EPHA3: variants seen among roughly 807,000 people sequenced by gnomAD.
EPHA3 encodes ephrin type-A receptor 3.
A neutral mutation model predicts 107.1 loss-of-function variants in EPHA3; 42 were observed. That is an observed-to-expected ratio of 0.39 (90% CI 0.31 to 0.51). The LOEUF (loss-of-function observed/expected upper bound fraction) is 0.51. EPHA3 is among the 20% of genes least tolerant of loss of function. EPHA3 has a pLI of 0.78. For missense variants in EPHA3, 1,183 were observed against 1,211.2 expected, an observed-to-expected ratio of 0.98 and a Z score of 0.35; for synonymous variants, 461 against 424.8, an observed-to-expected ratio of 1.09 and a Z score of -1.05.
intron 3 of EPHA3, among the ~76,000 whole-genome samples, chr3:89,299,695 T>C (rs1298808740): frequency 6.6e-6 from 1 of 152,000 alleles, no homozygotes. Context: ...GATTTGAATT[T>C]CAATATATCC....
chr3:89,187,549 T>C (rs1218511500), intron 2 of EPHA3, among the ~76,000 whole-genome samples: 1 of 151,782 alleles, frequency 6.6e-6, no homozygotes, highest in African/African-American at 2.4e-5. Context: ...CTGTTGCAAA[T>C]ATAAAAAATA....
At chr3:89,174,455 T>C (rs555498948) in intron 2 of EPHA3, among the ~76,000 whole-genome samples, 54 of 152,022 alleles carry the variant, frequency 3.6e-4, no homozygotes, top group Non-Finnish European at 3.7e-4. Flanking sequence ...TATCTGTTAG[T>C]AGATTGGGTC....
At chr3:89,353,791 G>T (rs1167552617) in intron 5 of EPHA3, among the ~76,000 whole-genome samples, 1 of 151,328 alleles carries the variant, frequency 6.6e-6, no homozygotes, top group African/African-American at 2.4e-5. Flanking sequence ...ACCCTTATAT[G>T]AGCTTAGAGG....
intron 2 of EPHA3, among the ~76,000 whole-genome samples, chr3:89,133,952 G>A (rs1441394694): frequency 6.6e-6 from 1 of 151,728 alleles, no homozygotes; most frequent in Non-Finnish European, 1.5e-5. Context: ...TCCACTTTTC[G>A]TCGCACGTTA....
chr3:89,447,806 C>G (rs1023897795), intron 13 of EPHA3, among the ~76,000 whole-genome samples: 38 of 152,240 alleles, frequency 2.5e-4, no homozygotes, highest in African/African-American at 8.9e-4. Context: ...TTCTCAATAA[C>G]AGATGAGGAC....
intron 10 of EPHA3, among the ~76,000 whole-genome samples, chr3:89,417,486 T>TG (rs1709271672): frequency 3.3e-5 from 5 of 151,448 alleles, no homozygotes; most frequent in Non-Finnish European, 7.4e-5. Flanking sequence ...TGAAACAAAG[T>TG]AAATGGGAGC....
chr3:89,352,112 T>C (rs567001839), intron 5 of EPHA3, among the ~76,000 whole-genome samples: 1 of 151,258 alleles, frequency 6.6e-6, no homozygotes, highest in South Asian at 2.1e-4. Flanking sequence ...GTGCACTAAT[T>C]TATGTAAAGG....
In EPHA3 at chr3:89,342,028, T is replaced by C. The variant is rs1707538212; in HGVS notation, c.1244T>C (p.Val415Ala). The C allele has an allele frequency of 6.2e-7, 1 of 1,610,956 alleles. No individual in the cohort carries two copies. Among genetic ancestry groups the C allele is most frequent in the Non-Finnish European group, 8.5e-7 (1 of 1,179,258 alleles). Reference sequence around the variant, plus strand: ...TTTGAGATTGATGCCGTTAATGGGGTGTCAGAGCTGAGCTCCCCACCAAGA... The same window carrying C: ...TTTGAGATTGATGCCGTTAATGGGGCGTCAGAGCTGAGCTCCCCACCAAGA... ...YTFEIDAVNG[V>A]SELSSPPRQF... Residue 415 changes from valine (V) to alanine (A), a missense_variant, in exon 5 of 17, where the codon GTG becomes GCG. Coordinates refer to ENST00000336596, the MANE Select transcript of EPHA3 (RefSeq NM_005233.6).
intron 5 of EPHA3, among the ~76,000 whole-genome samples, chr3:89,386,059 G>A (rs1708614665): frequency 6.6e-6 from 1 of 152,120 alleles, no homozygotes; most frequent in Admixed American, 6.5e-5. Flanking sequence ...AAGGTATCTG[G>A]TGGAACAATT....
chr3:89,359,704 T>A (rs1444059703), intron 5 of EPHA3, among the ~76,000 whole-genome samples: 3 of 142,500 alleles, frequency 2.1e-5, no homozygotes, highest in African/African-American at 5.5e-5. Context: ...CGTTATATAT[T>A]GTGTGTGTGT....
chr3:89,273,777 A>G (rs1417705112), intron 3 of EPHA3, among the ~76,000 whole-genome samples: 1 of 151,964 alleles, frequency 6.6e-6, no homozygotes, highest in Non-Finnish European at 1.5e-5. Context: ...ATTCATTAAC[A>G]TTAAAATCAT....
At chr3:89,338,663 C>G (rs958500170) in intron 3 of EPHA3, among the ~76,000 whole-genome samples, 1 of 152,218 alleles carries the variant, frequency 6.6e-6, no homozygotes, top group Non-Finnish European at 1.5e-5. Context: ...ATTCTCCTGC[C>G]TCAGCCTCCC....
At chr3:89,167,073 C>T (rs529141622) in intron 2 of EPHA3, among the ~76,000 whole-genome samples, 13 of 152,178 alleles carry the variant, frequency 8.5e-5, no homozygotes, top group South Asian at 6.2e-4. Context: ...GATACATATC[C>T]TCATGGTCTA....
At chr3:89,332,522 G>C (rs1483792407) in intron 3 of EPHA3, among the ~76,000 whole-genome samples, 6 of 152,240 alleles carry the variant, frequency 3.9e-5, no homozygotes, top group Non-Finnish European at 1.5e-5. Flanking sequence ...TGCAGGCAGA[G>C]TTTAATGACT....
At chr3:89,134,142 G>T (rs1576173214) in intron 2 of EPHA3, among the ~76,000 whole-genome samples, 1 of 151,068 alleles carries the variant, frequency 6.6e-6, no homozygotes, top group African/African-American at 2.4e-5. Flanking sequence ...TGAGTTCTTC[G>T]GCAACCTCTT....
intron 2 of EPHA3, among the ~76,000 whole-genome samples, chr3:89,157,688 T>C (rs1021069598): frequency 6.6e-6 from 1 of 151,972 alleles, no homozygotes; most frequent in Admixed American, 6.6e-5. Flanking sequence ...ATGATGTATG[T>C]ATATTGATTT....
intron 2 of EPHA3, among the ~76,000 whole-genome samples, chr3:89,205,377 G>A (rs1706074877): frequency 6.6e-6 from 1 of 152,118 alleles, no homozygotes; most frequent in African/African-American, 2.4e-5. Flanking sequence ...TTGATTCAGT[G>A]ACAAGGAACT....
At chr3:89,343,047 G>T (rs1486391278) in intron 5 of EPHA3, among the ~76,000 whole-genome samples, 1 of 152,068 alleles carries the variant, frequency 6.6e-6, no homozygotes, top group Non-Finnish European at 1.5e-5. Context: ...TCTTCATTTG[G>T]CTTACATTAT....
chr3:89,293,618 G>T (rs1457123806), intron 3 of EPHA3, among the ~76,000 whole-genome samples: 1 of 152,154 alleles, frequency 6.6e-6, no homozygotes, highest in African/African-American at 2.4e-5. Flanking sequence ...CGTTTCTCAT[G>T]ATAATGAGTG....
Sources: gnomAD v4.1 joint callset for allele counts (sites outside exome capture counted in the v4.1 genomes callset) on GRCh38, gnomAD v4.1.1 for gene constraint, MANE v1.5 for transcripts, NCBI Gene and HGNC (gene_info 2026-07-23, HGNC 2026-07-21) for gene names.